The following COPG2 variants were observed in gnomAD, a reference collection of about 807,000 sequenced individuals.
COPG2 encodes coat protein complex I subunit gamma 2.
In COPG2, 37 loss-of-function variants were observed where a neutral mutation model predicts 46.3. The observed-to-expected ratio is 0.80, with a 90% CI of 0.61 to 1.05. COPG2 has a LOEUF of 1.05. Among genes scored for constraint, COPG2 ranks in the 50% least tolerant of loss-of-function variants. COPG2 has a pLI of 0.00. For missense variants in COPG2, 427 were observed against 387.8 expected (o/e 1.10, Z -0.85); for synonymous variants, 159 against 129.7 (o/e 1.23, Z -1.53).
chr7:130,593,936 T>C (rs2116468002), intron 9 of COPG2, among the ~76,000 whole-genome samples: 1 of 152,168 alleles, frequency 6.6e-6, no homozygotes, highest in Admixed American at 6.5e-5. Flanking sequence ...CTGATAAATG[T>C]GACTACCTTA....
At chr7:130,586,524 G>A (rs552262927) in intron 9 of COPG2, among the ~76,000 whole-genome samples, 1 of 152,072 alleles carries the variant, frequency 6.6e-6, no homozygotes, top group African/African-American at 2.4e-5. Context: ...ATGCAGTGGC[G>A]CTATCTCGGC....
intron 20 of COPG2, among the ~76,000 whole-genome samples, chr7:130,531,562 T>A (rs1799825288): frequency 6.6e-6 from 1 of 151,204 alleles, no homozygotes; most frequent in Non-Finnish European, 1.5e-5. Flanking sequence ...AAGGGTGGGG[T>A]GGGAGGCACT....
At chr7:130,629,757 T>A (rs1795191729) in intron 5 of COPG2, among the ~76,000 whole-genome samples, 1 of 152,096 alleles carries the variant, frequency 6.6e-6, no homozygotes, top group African/African-American at 2.4e-5. Flanking sequence ...TGAAATTCTT[T>A]TTTAGGAAGT....
intron 20 of COPG2, among the ~76,000 whole-genome samples, chr7:130,514,172 G>C (rs540397150): frequency 1.3e-5 from 2 of 152,052 alleles, no homozygotes; most frequent in Admixed American, 6.5e-5. Flanking sequence ...GTAATGCGAA[G>C]CTTTTGTGAG....
chr7:130,549,205 G>C (rs1419807421), intron 18 of COPG2, 109 bp downstream of exon 18: 2 of 397,316 alleles, frequency 5.0e-6, no homozygotes, highest in African/African-American at 2.1e-5. Flanking sequence ...TCAGCCACAC[G>C]AAGATTTCCT....
chr7:130,559,327 C>G (rs1044244220), intron 12 of COPG2, among the ~76,000 whole-genome samples: 13 of 152,142 alleles, frequency 8.5e-5, no homozygotes, highest in African/African-American at 3.1e-4. Flanking sequence ...CTGCCCATCA[C>G]CCACACCACC....
intron 20 of COPG2, among the ~76,000 whole-genome samples, chr7:130,533,288 T>G (rs1584965315): frequency 6.8e-6 from 1 of 146,068 alleles, no homozygotes; most frequent in East Asian, 2.0e-4. Flanking sequence ...CCTGAAGCTC[T>G]AAGGTGTAGG....
At chr7:130,615,407 C>T (rs139897385) in intron 6 of COPG2, among the ~76,000 whole-genome samples, 1 of 152,092 alleles carries the variant, frequency 6.6e-6, no homozygotes. Context: ...AATAGGAGCT[C>T]AGTAATTATG....
intron 5 of COPG2, among the ~76,000 whole-genome samples, chr7:130,629,859 A>C (rs571324674): frequency 6.6e-6 from 1 of 151,690 alleles, no homozygotes; most frequent in Non-Finnish European, 1.5e-5. Flanking sequence ...AATGAATCTG[A>C]AAGCAATCTT....
At chr7:130,516,110 A>G (rs968635012) in intron 20 of COPG2, among the ~76,000 whole-genome samples, 3 of 152,184 alleles carry the variant, frequency 2.0e-5, no homozygotes, top group African/African-American at 7.2e-5. Context: ...TATAGTTTTT[A>G]TAAGGCAAAA....
intron 5 of COPG2, among the ~76,000 whole-genome samples, chr7:130,625,393 T>C (rs1563063284): frequency 6.6e-6 from 1 of 152,226 alleles, no homozygotes. Flanking sequence ...ACTTGGTTTC[T>C]CTTGCCTAAC....
chr7:130,550,037 A>G (rs1398895382), intron 17 of COPG2, among the ~76,000 whole-genome samples: 1 of 152,206 alleles, frequency 6.6e-6, no homozygotes, highest in Non-Finnish European at 1.5e-5. Context: ...AGTGCATTTC[A>G]TCTTACTGCT....
At chr7:130,659,876 C>T (rs1174461129) in intron 4 of COPG2, among the ~76,000 whole-genome samples, 3 of 152,318 alleles carry the variant, frequency 2.0e-5, no homozygotes, top group Non-Finnish European at 2.9e-5. Flanking sequence ...CGCGCCACTG[C>T]ACTTCAGCCT....
intron 9 of COPG2, among the ~76,000 whole-genome samples, chr7:130,593,276 C>T (rs1020345118): frequency 1.3e-5 from 2 of 152,188 alleles, no homozygotes; most frequent in African/African-American, 4.8e-5. Context: ...TGGGAAATAG[C>T]CCTAAAGTCC....
chr7:130,664,121 G>A (rs781807079), intron 3 of COPG2, among the ~76,000 whole-genome samples: 13 of 152,038 alleles, frequency 8.6e-5, no homozygotes, highest in Non-Finnish European at 1.8e-4. Flanking sequence ...GTTAGATAAC[G>A]TATTTCAAAA....
In COPG2 at chr7:130,506,823, A is replaced by C. The variant is rs1554440208; in HGVS notation, c.2486-17T>G. The C allele has an allele frequency of 1.3e-6, 1 of 768,194 alleles. No homozygotes were observed. The highest frequency in any genetic ancestry group is 1.4e-5 in the South Asian group (1 of 72,172). The allele number at this position is 768,194 out of a possible 1,614,324, so 47.6% of individuals were successfully genotyped here. ...TGAATATACCTGAGAGAAAAAAGTA[A>C]GGAAAACCATATTAAGAACCCAAAA... On this transcript the variant is annotated splice_polypyrimidine_tract_variant and intron_variant, in intron 23 of 23. Transcript: ENST00000425248.
intron 9 of COPG2, among the ~76,000 whole-genome samples, chr7:130,610,341 A>G (rs1554451847): frequency 1.3e-5 from 2 of 152,200 alleles, no homozygotes; most frequent in Admixed American, 6.5e-5. Context: ...CATTAGTAGT[A>G]GTGGCAGATT....
At chr7:130,618,220 C>T (rs887167336) in intron 5 of COPG2, among the ~76,000 whole-genome samples, 5 of 151,452 alleles carry the variant, frequency 3.3e-5, no homozygotes, top group Admixed American at 6.6e-5. Context: ...CTTGGTTTTC[C>T]GGATTTCCAA....
At chr7:130,549,285 T>C (rs1430983957) in intron 18 of COPG2, 29 bp downstream of exon 18, 1 of 398,408 alleles carries the variant, frequency 2.5e-6, no homozygotes, top group Non-Finnish European at 4.4e-6. Context: ...GGGGAAAGAT[T>C]ATTACGTCTA....
Sources: allele counts gnomAD v4.1 joint callset (sites outside exome capture counted in the v4.1 genomes callset), GRCh38; gene constraint gnomAD v4.1.1; transcripts MANE v1.5; gene names NCBI Gene and HGNC (gene_info 2026-07-23, HGNC 2026-07-21).